The following KMT2A variants were observed in gnomAD, a reference collection of about 807,000 sequenced individuals.
KMT2A encodes lysine methyltransferase 2A.
Under a neutral mutation model 345.3 loss-of-function variants are expected in KMT2A, and 16 were observed. The observed-to-expected ratio is 0.05, with a 90% confidence interval of 0.03 to 0.07. The LOEUF is 0.07. KMT2A is among the 10% of genes least tolerant of loss of function. KMT2A has a pLI of 1.00. For synonymous variants in KMT2A, 1,599 were observed against 1,778.6 expected (o/e 0.90, Z 2.54); for missense variants, 3,272 against 4,841.6 (o/e 0.68, Z 9.62).
In KMT2A at chr11:118,484,897, A is replaced by T. The variant is rs147072909; in HGVS notation, c.4254A>T (p.Gly1418=). The part of the protein sequence containing the change: ...DCEAENVWEM[G]GLGILTSVPI... ...AAGCAGAAAATGTGTGGGAGATGGGAGGCTTAGGAATCTTGACTTCTGTTC... is the reference window on the plus strand; with the variant it reads ...AAGCAGAAAATGTGTGGGAGATGGGTGGCTTAGGAATCTTGACTTCTGTTC... Residue 1418 remains glycine (G), a synonymous_variant, in exon 10 of 36, where the codon GGA becomes GGT. Transcript: ENST00000534358. The surrounding 1 kb of genome is among the most constrained non-coding windows in gnomAD (Gnocchi z 4.1). 3.0e-4 allele frequency: 488 copies of T among 1,613,982 alleles called. 1 individual carries two copies. In the African/African-American group the frequency reaches 5.9e-3, roughly 19 times the overall value.
Position 118,480,161 on chromosome 11 carries a change from G to T in KMT2A, c.3570-13G>T. ...ATTTAATTTGTTTCATGGTTTATTC[G>T]TTGTTTTCCTAGGATGAGAAAATGT... On this transcript the variant is annotated splice_polypyrimidine_tract_variant and intron_variant, in intron 5 of 35. Coordinates refer to ENST00000534358, the MANE Select transcript of KMT2A (RefSeq NM_001197104.2). 1.2e-6 allele frequency: 2 copies of T among 1,604,970 alleles called. No individual in the cohort carries two copies. Among genetic ancestry groups the T allele is most frequent in the Non-Finnish European group, 8.5e-7 (1 of 1,172,204 alleles).
chr11:118,491,919 C>G lies in KMT2A; in HGVS notation c.4995C>G (p.Arg1665=). Residue 1665 remains arginine (R), a synonymous_variant, in exon 15 of 36, where the codon CGC becomes CGG. Coordinates refer to ENST00000534358, the MANE Select transcript of KMT2A (RefSeq NM_001197104.2). The surrounding 1 kb of genome is among the most constrained non-coding windows in gnomAD (Gnocchi z 4.2). ...CTCGGACTACCAGCCATTTGCTACG[C>G]TACCGGCAGGTAGGCCAAGTCTCAT... The part of the protein sequence containing the change: ...LNSRTTSHLL[R]YRQAAKPPDL... The G allele has an allele frequency of 6.2e-7, 1 of 1,612,726 alleles. No individual in the cohort carries two copies.
Position 118,484,742 on chromosome 11 carries a change from C to T in KMT2A, c.4219-120C>T. On this transcript the variant is annotated intron_variant, in intron 9 of 35. Coordinates refer to ENST00000534358, the MANE Select transcript of KMT2A (RefSeq NM_001197104.2). The surrounding 1 kb of genome is among the most constrained non-coding windows in gnomAD (Gnocchi z 4.1). Reference sequence around the variant, plus strand: ...TTAAAGCAGCAGTTATTTTTGGACTCATTGAAATGAAATACTCTGACATTG... The same window carrying T: ...TTAAAGCAGCAGTTATTTTTGGACTTATTGAAATGAAATACTCTGACATTG... The T allele has an allele frequency of 2.8e-6, 2 of 709,970 alleles. No homozygotes were observed. The highest frequency in any genetic ancestry group is 3.3e-5 in the South Asian group (2 of 60,526). 44.0% of individuals were successfully genotyped at this position (709,970 alleles called of 1,614,324 possible). A position where few individuals can be genotyped will look rare whatever the true frequency, so the allele number is the denominator to read the frequency against.
At position 118,524,823 on chromosome 11, in the gene KMT2A, G is replaced by A; in HGVS notation, c.*2651G>A. Reference sequence around the variant, plus strand: ...CCAGTCAGGGGGTGGGGGGAACTCAGCTAAATAGACCTAGTTACTGCCCTG... The same window carrying A: ...CCAGTCAGGGGGTGGGGGGAACTCAACTAAATAGACCTAGTTACTGCCCTG... On this transcript the variant is annotated 3_prime_UTR_variant, in exon 36 of 36. Coordinates refer to ENST00000534358, the MANE Select transcript of KMT2A (RefSeq NM_001197104.2). The A allele has an allele frequency of 5.4e-6, 1 of 184,854 alleles. No individual in the cohort carries two copies. The highest frequency in any genetic ancestry group is 8.8e-5 in the East Asian group (1 of 11,384). The allele number at this position is 184,854 out of a possible 1,614,324, so 11.5% of individuals were successfully genotyped here. A position where few individuals can be genotyped will look rare whatever the true frequency, so the allele number is the denominator to read the frequency against.
chr11:118,495,998 G>T lies in KMT2A; in HGVS notation c.5557+105G>T. 1 of 1,037,972 alleles carries T rather than the reference G, an allele frequency of 9.6e-7. No individual in the cohort carries two copies. Among genetic ancestry groups the T allele is most frequent in the Non-Finnish European group, 1.4e-6 (1 of 700,268 alleles). The allele number at this position is 1,037,972 out of a possible 1,614,324, so 64.3% of individuals were successfully genotyped here. ...TTAGATATACTTGGATATCAGAAAG[G>T]AATTTTCAGGTCATCCTTAAATGTA... On this transcript the variant is annotated intron_variant, in intron 19 of 35. Coordinates refer to ENST00000534358, the MANE Select transcript of KMT2A (RefSeq NM_001197104.2). This position sits in a 1 kb window ranked among gnomAD's most constrained non-coding sequence, Gnocchi z 4.1.
intron 7 of KMT2A, 83 bp downstream of exon 7, chr11:118,482,175 A>G: frequency 7.0e-7 from 1 of 1,431,236 alleles, no homozygotes. Context: ...ATTTGAAAGC[A>G]GGAAATGTAT....
At chr11:118,464,282 T>G (rs1230998222) in intron 1 of KMT2A, among the ~76,000 whole-genome samples, 2 of 152,208 alleles carry the variant, frequency 1.3e-5, no homozygotes, top group Non-Finnish European at 2.9e-5. Context: ...ACGCCTGTTA[T>G]CCCAGCACTT....
chr11:118,501,954 T>C (rs1950507882), intron 26 of KMT2A, 97 bp downstream of exon 26: 3 of 1,091,640 alleles, frequency 2.7e-6, no homozygotes, highest in Non-Finnish European at 3.9e-6. Flanking sequence ...CTTTTACTGA[T>C]TGAAAATGTA....
At chr11:118,464,247 T>G (rs1414656772) in intron 1 of KMT2A, among the ~76,000 whole-genome samples, 1 of 152,210 alleles carries the variant, frequency 6.6e-6, no homozygotes, top group Non-Finnish European at 1.5e-5. Flanking sequence ...ACTGAAAAAC[T>G]AAAGTTGGCT....
chr11:118,445,748 A>G lies in KMT2A; in HGVS notation c.432+8804A>G, dbSNP rs544695055. Among the ~76,000 whole-genome samples the G allele has an allele frequency of 2.0e-5, 3 of 152,372 alleles. No individual in the cohort carries two copies. The East Asian group carries it at 5.8e-4, about 29-fold the overall frequency. Reference sequence around the variant, plus strand: ...TTGGGCGCAGTGGCTCACGCCTATAATCCCAGCACTTTGGGAGGCCAAGGC... The same window carrying G: ...TTGGGCGCAGTGGCTCACGCCTATAGTCCCAGCACTTTGGGAGGCCAAGGC... On this transcript the variant is annotated intron_variant, in intron 1 of 35. Coordinates refer to ENST00000534358, the MANE Select transcript of KMT2A (RefSeq NM_001197104.2).
At chr11:118,462,017 G>A (rs1252678590) in intron 1 of KMT2A, among the ~76,000 whole-genome samples, 2 of 151,812 alleles carry the variant, frequency 1.3e-5, no homozygotes, top group Non-Finnish European at 2.9e-5. Flanking sequence ...AGTGGCGTGA[G>A]CTTTTGGCTC....
In KMT2A at chr11:118,439,527, G is replaced by A. The variant is rs1235757376; in HGVS notation, c.432+2583G>A. On this transcript the variant is annotated intron_variant, in intron 1 of 35. Coordinates refer to ENST00000534358, the MANE Select transcript of KMT2A (RefSeq NM_001197104.2). ...GGGCACCAGAATATTTTATCTGTTG[G>A]TCTTTGACAAATCACTTTTAAAGTT... 4.6e-5 allele frequency among the ~76,000 whole-genome samples: 7 copies of A among 152,274 alleles called. No homozygotes were observed. In the East Asian group the frequency reaches 5.8e-4, roughly 13 times the overall value.
Position 118,498,281 on chromosome 11 carries a change from G to A in KMT2A, c.5803-89G>A. On this transcript the variant is annotated intron_variant, in intron 21 of 35. Coordinates refer to ENST00000534358, the MANE Select transcript of KMT2A (RefSeq NM_001197104.2). The surrounding 1 kb of genome is among the most constrained non-coding windows in gnomAD (Gnocchi z 4.4). Reference sequence around the variant, plus strand: ...ATAGATAAAATGAATTGTAGGAACTGTAGAATGGGATGAGTCTATAGAGGA... The same window carrying A: ...ATAGATAAAATGAATTGTAGGAACTATAGAATGGGATGAGTCTATAGAGGA... The A allele has an allele frequency of 7.8e-7, 1 of 1,279,308 alleles. No homozygotes were observed. Among genetic ancestry groups the A allele is most frequent in the East Asian group, 2.3e-5 (1 of 43,094 alleles). The allele number at this position is 1,279,308 out of a possible 1,614,324, so 79.2% of individuals were successfully genotyped here.
chr11:118,507,654 T>G (rs1278350779), intron 28 of KMT2A, 45 bp downstream of exon 28: 1 of 1,498,440 alleles, frequency 6.7e-7, no homozygotes, highest in Non-Finnish European at 9.3e-7. Context: ...CTCAGTTTTG[T>G]CCACCTCATT....
intron 31 of KMT2A, among the ~76,000 whole-genome samples, chr11:118,517,122 G>A (rs1950832251): frequency 3.3e-5 from 5 of 151,878 alleles, no homozygotes; most frequent in Admixed American, 6.6e-5. Context: ...CCAGCTGGGC[G>A]CGGTGGCTCA....
Position 118,482,061 on chromosome 11 carries a change from C to G in KMT2A, c.3981C>G (p.Pro1327=), listed in dbSNP as rs782311152. 1 of 1,610,028 alleles carries G rather than the reference C, an allele frequency of 6.2e-7. No individual in the cohort carries two copies. The highest frequency in any genetic ancestry group is 1.7e-5 in the Admixed American group (1 of 58,892). ...KEVPKTTPSE[P]KKKQPPPPES... is the part of the protein sequence containing the mutation. ...TTCCCAAAACCACTCCTAGTGAGCC[C>G]AAGAAAAAGCAGCCTCCACCACCAG... Residue 1327 remains proline (P), a synonymous_variant, in exon 7 of 36, where the codon CCC becomes CCG. Transcript: ENST00000534358.
chr11:118,514,322 G>T (rs958759059), intron 31 of KMT2A, among the ~76,000 whole-genome samples: 1 of 152,172 alleles, frequency 6.6e-6, no homozygotes, highest in Non-Finnish European at 1.5e-5. Context: ...ACATGGCGAG[G>T]TCCTCTTCAG....
Position 118,493,917 on chromosome 11 carries a change from G to A in KMT2A, c.5179-371G>A, listed in dbSNP as rs1255092299. ...GCGGAGATTGGGTTTCACCATGTTG[G>A]CTAGGCTGGTCATGAACTCCTGACC... On this transcript the variant is annotated intron_variant, in intron 16 of 35. Coordinates refer to ENST00000534358, the MANE Select transcript of KMT2A (RefSeq NM_001197104.2). The surrounding 1 kb of genome is among the most constrained non-coding windows in gnomAD (Gnocchi z 5.8). Among the ~76,000 whole-genome samples the A allele has an allele frequency of 3.9e-5, 6 of 152,068 alleles. No individual in the cohort carries two copies. Among genetic ancestry groups the A allele is most frequent in the African/African-American group, 1.4e-4 (6 of 41,412 alleles).
chr11:118,493,647 G>A lies in KMT2A; in HGVS notation c.5178+417G>A, dbSNP rs1178732169. 5.3e-5 allele frequency among the ~76,000 whole-genome samples: 8 copies of A among 152,086 alleles called. No homozygotes were observed. The highest frequency in any genetic ancestry group is 1.9e-4 in the African/African-American group (8 of 41,412). On this transcript the variant is annotated intron_variant, in intron 16 of 35. Transcript: ENST00000534358. The surrounding 1 kb of genome is among the most constrained non-coding windows in gnomAD (Gnocchi z 5.8). ...CTGTTAATTTTATGATTTTAAGTAT[G>A]TATAGGAAATGATTATTTATTATCT...
Sources: gnomAD v4.1 joint callset for allele counts (sites outside exome capture counted in the v4.1 genomes callset) on GRCh38, gnomAD v4.1.1 for gene constraint, Gnocchi (gnomAD v3.1) non-coding constraint, MANE v1.5 for transcripts, NCBI Gene and HGNC (gene_info 2026-07-23, HGNC 2026-07-21) for gene names.